Variants in TSFM observed in about 807,000 individuals in gnomAD.
TSFM encodes the protein Ts translation elongation factor, mitochondrial.
TSFM carries 29 observed loss-of-function variants against 33.4 expected under a neutral mutation model. The ratio of observed to expected loss-of-function variants is 0.87; its 90% CI spans 0.65 to 1.18. TSFM has a LOEUF of 1.18. Among genes scored for constraint, TSFM ranks in the 50% most tolerant of loss-of-function variants. TSFM has a pLI of 0.00. For missense variants in TSFM, 394 were observed against 395.6 expected, an observed-to-expected ratio of 1.00 and a Z score of 0.04; for synonymous variants, 178 against 163.5, an observed-to-expected ratio of 1.09 and a Z score of -0.68.
rs983238298 is a variant in TSFM, at chr12:57,782,794, C to G, written c.-8C>G. 1 of 1,587,176 alleles carries G rather than the reference C, an allele frequency of 6.3e-7. No homozygotes were observed. Among genetic ancestry groups the G allele is most frequent in the Non-Finnish European group, 8.6e-7 (1 of 1,167,454 alleles). On this transcript the variant is annotated 5_prime_UTR_variant, in exon 1 of 6. Coordinates refer to ENST00000652027, the MANE Select transcript of TSFM (RefSeq NM_005726.6). ...GCCCGCCGGAGGGTGTTTATCGCGG[C>G]TAGAGAGATGTCGCTGCTGCGGTCG...
chr12:57,796,191 A>G lies in TSFM; in HGVS notation c.586A>G (p.Asn196Asp). The G allele has an allele frequency of 1.3e-6, 2 of 1,576,088 alleles. No individual in the cohort carries two copies. The highest frequency in any genetic ancestry group is 2.3e-5 in the East Asian group (1 of 44,352). The change falls in exon 6 of 6, where the codon AAC becomes GAC. Residue 196 changes from asparagine (N) to aspartate (D), a missense_variant. Transcript: ENST00000652027. ...TGCTTTAATAGGAAAACTGGGAGAA[A>G]ACATGATTCTTAAACGAGCTGCATG... ...LALAIGKLGE[N>D]MILKRAAWVK...
chr12:57,788,200 A>G (rs376584992), intron 4 of TSFM, among the ~76,000 whole-genome samples: 1 of 151,912 alleles, frequency 6.6e-6, no homozygotes, highest in Non-Finnish European at 1.5e-5. Flanking sequence ...TTTTAATTGT[A>G]TTGAGTAGGT....
At chr12:57,798,392 A>C (rs1394507491), downstream of TSFM, among the ~76,000 whole-genome samples, 1 of 152,208 alleles carries the variant, frequency 6.6e-6, no homozygotes, top group Non-Finnish European at 1.5e-5. Flanking sequence ...TTTCAAATGC[A>C]TGATCGGGTG....
chr12:57,787,608 G>T (rs1004768368), intron 4 of TSFM, among the ~76,000 whole-genome samples: 2 of 152,106 alleles, frequency 1.3e-5, no homozygotes, highest in African/African-American at 4.8e-5. Flanking sequence ...CAGAAATTTG[G>T]AATGGTCTTA....
chr12:57,791,414 C>G (rs528203043), intron 4 of TSFM, among the ~76,000 whole-genome samples: 1 of 152,322 alleles, frequency 6.6e-6, no homozygotes, highest in Admixed American at 6.5e-5. Flanking sequence ...TACTGCTTCT[C>G]TCCCTTCTAC....
chr12:57,802,251 T>C (rs1239767782), downstream of TSFM: 1 of 1,614,188 alleles, frequency 6.2e-7, no homozygotes, highest in Non-Finnish European at 8.5e-7. Context: ...TGTGTCGGGA[T>C]CTCGGCCGCT....
intron 4 of TSFM, among the ~76,000 whole-genome samples, chr12:57,790,310 C>G (rs2140421528): frequency 6.6e-6 from 1 of 151,960 alleles, no homozygotes; most frequent in Non-Finnish European, 1.5e-5. Flanking sequence ...CCTCGTGATC[C>G]ACCCATCTTG....
intron 4 of TSFM, chr12:57,792,014 G>A (rs747419339): frequency 1.1e-4 from 34 of 303,696 alleles, no homozygotes; most frequent in South Asian, 8.7e-4. Context: ...GCTGAAGCAG[G>A]TGGATCACTT....
At chr12:57,793,649 T>C (rs1016964096) in intron 5 of TSFM, among the ~76,000 whole-genome samples, 4 of 152,208 alleles carry the variant, frequency 2.6e-5, no homozygotes, top group Admixed American at 6.5e-5. Flanking sequence ...TAAAAGAATT[T>C]AGATTTGTAT....
chr12:57,787,993 A>G (rs184329479), intron 4 of TSFM, among the ~76,000 whole-genome samples: 4 of 152,326 alleles, frequency 2.6e-5, no homozygotes, highest in Admixed American at 2.0e-4. Flanking sequence ...AGAGGGATCA[A>G]GGAAAGGAAT....
intron 4 of TSFM, 34 bp from the exon 5 acceptor site, chr12:57,792,952 A>T: frequency 6.3e-7 from 1 of 1,591,020 alleles, no homozygotes; most frequent in Non-Finnish European, 8.6e-7. Context: ...AATAGTACAG[A>T]ATCAGTTCAT....
In TSFM at chr12:57,783,199, C is replaced by T. The variant is rs139487489; in HGVS notation, c.147C>T (p.Leu49=). Residue 49 remains leucine, a synonymous_variant, in exon 2 of 6, where the codon CTC becomes CTT. Transcript: ENST00000652027. ...CTGCCTCGGCCTCCAGCAAGGAGCT[C>T]CTCATGAAGCTGCGGCGGAAAACAG... ...RLSASASSKE[L]LMKLRRKTGY... is the part of the protein sequence containing the mutation. 9.9e-6 allele frequency: 16 copies of T among 1,613,674 alleles called. No homozygotes were observed. Among genetic ancestry groups the T allele is most frequent in the African/African-American group, 6.7e-5 (5 of 74,920 alleles).
chr12:57,788,438 G>A (rs983222556), intron 4 of TSFM, among the ~76,000 whole-genome samples: 13 of 151,912 alleles, frequency 8.6e-5, no homozygotes, highest in South Asian at 8.4e-4. Flanking sequence ...CACCACACAC[G>A]CCTAGTATTT....
At chr12:57,800,153 G>A, downstream of TSFM, 1 of 471,424 alleles carries the variant, frequency 2.1e-6, no homozygotes, top group Admixed American at 3.4e-5. Context: ...TCCAAGGCAA[G>A]TCCTGTATAG....
At chr12:57,792,649 T>C (rs1326820416) in intron 4 of TSFM, among the ~76,000 whole-genome samples, 6 of 152,058 alleles carry the variant, frequency 3.9e-5, no homozygotes, top group African/African-American at 1.2e-4. Flanking sequence ...CTGGAGTGCA[T>C]TGGCATAATC....
intron 3 of TSFM, 80 bp from the exon 4 acceptor site, chr12:57,786,960 T>C (rs1230327801): frequency 4.8e-6 from 7 of 1,472,142 alleles, no homozygotes; most frequent in Admixed American, 4.3e-5. Flanking sequence ...ATCAGTATCT[T>C]GATTTATTCT....
intron 2 of TSFM, chr12:57,783,493 T>TA (rs144068146): frequency 7.1e-5 from 51 of 719,154 alleles, no homozygotes; most frequent in African/African-American, 5.1e-4. Flanking sequence ...ACCAGACTGT[T>TA]ACGGTGTTTC....
chr12:57,785,440 G>A (rs1220078408), intron 2 of TSFM, among the ~76,000 whole-genome samples: 4 of 152,038 alleles, frequency 2.6e-5, no homozygotes, highest in South Asian at 4.2e-4. Context: ...TGAAGGACCT[G>A]CCTGAAGCTG....
downstream of TSFM, chr12:57,800,699 C>G (rs1955827347): frequency 6.5e-6 from 1 of 154,714 alleles, no homozygotes; most frequent in African/African-American, 2.4e-5. Context: ...CTTCCGCTTC[C>G]TGGGTTCAAG....
Sources: gnomAD v4.1 joint callset for allele counts (sites outside exome capture counted in the v4.1 genomes callset) on GRCh38, gnomAD v4.1.1 for gene constraint, MANE v1.5 for transcripts, NCBI Gene and HGNC (gene_info 2026-07-23, HGNC 2026-07-21) for gene names.